Variants in TENM3 observed in about 807,000 individuals in gnomAD.
TENM3 encodes teneurin transmembrane protein 3.
In TENM3, 63 loss-of-function variants were observed where a neutral mutation model predicts 255.1. The ratio of observed to expected loss-of-function variants is 0.25; its 90% CI spans 0.20 to 0.30. TENM3 has a LOEUF of 0.30. TENM3 is among the 10% of genes least tolerant of loss of function. The pLI is 1.00. For missense variants in TENM3, 2,929 were observed against 3,461.1 expected (o/e 0.85, Z 3.86); for synonymous variants, 1,306 against 1,322.3 (o/e 0.99, Z 0.27).
the TENM3 span, among the ~76,000 whole-genome samples, chr4:181,760,503 T>G: frequency 6.6e-6 from 1 of 152,186 alleles, no homozygotes; most frequent in African/African-American, 2.4e-5. Context: ...TATACCTTTG[T>G]AAGTATATAT....
intron 1 of TENM3, among the ~76,000 whole-genome samples, chr4:182,283,626 G>C (rs1425870989): frequency 6.6e-6 from 1 of 152,144 alleles, no homozygotes; most frequent in Non-Finnish European, 1.5e-5. Context: ...GGTCTGTAAT[G>C]AGAAGTTGCA....
the TENM3 span, among the ~76,000 whole-genome samples, chr4:181,883,126 C>CTTTTTTTTTTTTTTTTTTTTT: frequency 3.2e-4 from 34 of 106,722 alleles, 1 homozygote; most frequent in Non-Finnish European, 4.4e-4. Flanking sequence ...TGCAATTAAT[C>CTTTTTTTTTTTTTTTTTTTTT]TTTTTTTTTT....
At chr4:182,421,782 A>G (rs1402415576) in intron 3 of TENM3, among the ~76,000 whole-genome samples, 1 of 152,234 alleles carries the variant, frequency 6.6e-6, no homozygotes, top group Non-Finnish European at 1.5e-5. Flanking sequence ...CTAATCAATA[A>G]GGAATATTCA....
chr4:181,855,973 A>T, the TENM3 span, among the ~76,000 whole-genome samples: 1 of 146,984 alleles, frequency 6.8e-6, no homozygotes, highest in Non-Finnish European at 1.5e-5. Context: ...GGAGGAAGGA[A>T]AAGAGGGAGG....
Position 182,718,547 on chromosome 4 carries a change from A to G in TENM3, c.2368+4314A>G, listed in dbSNP as rs573283747. Among the ~76,000 whole-genome samples the G allele has an allele frequency of 2.0e-5, 3 of 152,274 alleles. No individual in the cohort carries two copies. In the East Asian group the frequency reaches 5.8e-4, roughly 29 times the overall value. The stretch of plus-strand genomic sequence containing the variant: ...GGCAGAAAAACGGTCTACTATGGGA[A>G]TAAGAATAGTTCTCCACAGCATTCA... On this transcript the variant is annotated intron_variant, in intron 13 of 27. Coordinates refer to ENST00000511685, the MANE Select transcript of TENM3 (RefSeq NM_001080477.4).
At chr4:182,231,053 A>C (rs1756543781) in intron 1 of TENM3, among the ~76,000 whole-genome samples, 1 of 151,580 alleles carries the variant, frequency 6.6e-6, no homozygotes, top group African/African-American at 2.4e-5. Flanking sequence ...AAGGAGGGGA[A>C]GGTTGACTAC....
At chr4:181,550,806 C>T in the TENM3 span, among the ~76,000 whole-genome samples, 49 of 152,240 alleles carry the variant, frequency 3.2e-4, no homozygotes, top group Middle Eastern at 0.014. Context: ...AAGTAACGGT[C>T]CCATATTTAC....
chr4:181,722,935 A>G, the TENM3 span, among the ~76,000 whole-genome samples: 26 of 152,120 alleles, frequency 1.7e-4, no homozygotes. Flanking sequence ...ACAATGGGCC[A>G]GGCTAGATGG....
At chr4:181,558,929 A>G in the TENM3 span, among the ~76,000 whole-genome samples, 213 of 152,298 alleles carry the variant, frequency 1.4e-3, 3 homozygotes, top group Non-Finnish European at 1.9e-4. Context: ...TCAAGGATAT[A>G]ATTATGAATC....
chr4:181,980,512 A>T, the TENM3 span: 3 of 152,202 alleles, frequency 2.0e-5, no homozygotes, highest in African/African-American at 7.2e-5. Flanking sequence ...CATATATTCA[A>T]CCTAATACAT....
chr4:182,598,443 A>G (rs908980609), intron 3 of TENM3, among the ~76,000 whole-genome samples: 1 of 152,214 alleles, frequency 6.6e-6, no homozygotes, highest in Non-Finnish European at 1.5e-5. Flanking sequence ...CTCAGCAGAC[A>G]CTTACAAAAT....
chr4:181,839,384 T>TAC, the TENM3 span, among the ~76,000 whole-genome samples: 18 of 83,458 alleles, frequency 2.2e-4, no homozygotes, highest in African/African-American at 7.1e-4. Context: ...TATATATATA[T>TAC]ACACCTATAT....
the TENM3 span, among the ~76,000 whole-genome samples, chr4:181,685,597 G>A: frequency 2.6e-5 from 4 of 152,124 alleles, no homozygotes; most frequent in East Asian, 1.9e-4. Flanking sequence ...CACTCCCAGA[G>A]AGCATTGCGT....
intron 1 of TENM3, among the ~76,000 whole-genome samples, chr4:182,207,871 G>T (rs1035059098): frequency 1.4e-4 from 21 of 152,052 alleles, no homozygotes; most frequent in Non-Finnish European, 2.9e-4. Flanking sequence ...ACCTTCTTTT[G>T]GCATCACAGC....
intron 3 of TENM3, among the ~76,000 whole-genome samples, chr4:182,402,368 A>G (rs555362116): frequency 1.1e-4 from 17 of 152,308 alleles, no homozygotes; most frequent in South Asian, 1.0e-3. Flanking sequence ...GTCGCTCCAC[A>G]TGCCTCAAAA....
the TENM3 span, among the ~76,000 whole-genome samples, chr4:181,965,404 G>A: frequency 1.3e-5 from 2 of 152,094 alleles, no homozygotes; most frequent in African/African-American, 2.4e-5. Flanking sequence ...ACATATTGCC[G>A]ATCTGGGTTC....
chr4:182,361,821 C>T (rs1260612407), intron 3 of TENM3, among the ~76,000 whole-genome samples: 2 of 152,126 alleles, frequency 1.3e-5, no homozygotes, highest in Admixed American at 1.3e-4. Flanking sequence ...AGTTTTTCTG[C>T]TCTGTTTTTT....
At chr4:182,077,085 C>G in the TENM3 span, among the ~76,000 whole-genome samples, 2 of 152,098 alleles carry the variant, frequency 1.3e-5, no homozygotes, top group African/African-American at 2.4e-5. Context: ...TCTTCAAGTA[C>G]TTGGTATCCA....
chr4:181,783,901 A>G, the TENM3 span, among the ~76,000 whole-genome samples: 6,649 of 152,172 alleles, frequency 0.044, 173 homozygotes, highest in South Asian at 0.11. Context: ...AGGTCTCACT[A>G]TGTTGCCCAG....
Sources: allele counts gnomAD v4.1 joint callset (sites outside exome capture counted in the v4.1 genomes callset), GRCh38; gene constraint gnomAD v4.1.1; transcripts MANE v1.5; gene names NCBI Gene and HGNC (gene_info 2026-07-23, HGNC 2026-07-21).